Variants in FRMD4B observed in about 807,000 individuals in gnomAD.
FRMD4B encodes the protein FERM domain containing 4B.
FRMD4B carries 74 observed loss-of-function variants against 141.5 expected under a neutral mutation model. The ratio of observed to expected loss-of-function variants is 0.52; its 90% CI spans 0.43 to 0.63. FRMD4B has a LOEUF of 0.63. FRMD4B is among the 30% of genes least tolerant of loss of function. The probability of loss-of-function intolerance (pLI) is 0.00; values close to 1 mark genes in which losing one functional copy is unlikely to be tolerated. For missense variants in FRMD4B, 1,366 were observed against 1,253.4 expected (o/e 1.09, Z -1.36); for synonymous variants, 506 against 467.9 (o/e 1.08, Z -1.05).
At chr3:69,346,581 G>A (rs1243772245) in intron 1 of FRMD4B, among the ~76,000 whole-genome samples, 1 of 152,168 alleles carries the variant, frequency 6.6e-6, no homozygotes, top group East Asian at 1.9e-4. Context: ...CAGCCAGAGA[G>A]AAAGGTTGGG....
chr3:69,216,465 T>C (rs1172092553), intron 10 of FRMD4B, 116 bp from the exon 11 acceptor site: 7 of 591,306 alleles, frequency 1.2e-5, no homozygotes, highest in African/African-American at 1.2e-4. Flanking sequence ...CGGAGTCTCA[T>C]TCTGTCACCA....
chr3:69,336,106 G>GT (rs1028131394), intron 1 of FRMD4B, among the ~76,000 whole-genome samples: 33 of 47,400 alleles, frequency 7.0e-4, no homozygotes, highest in African/African-American at 2.0e-3. Context: ...AACTTCCCTT[G>GT]GGGGGTGAAG....
intron 4 of FRMD4B, among the ~76,000 whole-genome samples, chr3:69,294,685 C>T (rs778092553): frequency 1.9e-4 from 29 of 152,248 alleles, no homozygotes; most frequent in Non-Finnish European, 4.0e-4. Context: ...GAGTCAGGGC[C>T]TTGCTGTGAC....
rs528191586 is a variant in FRMD4B, at chr3:69,345,531, T to C, written c.163-32014A>G. On this transcript the variant is annotated intron_variant, in intron 1 of 22. Coordinates refer to ENST00000398540, the MANE Select transcript of FRMD4B (RefSeq NM_015123.3). Reference sequence around the variant, plus strand: ...GTTTGAGATCTGAGAACGGACAGACTGCCTCCTCAAGTGGGTCCCTGACCC... The same window carrying C: ...GTTTGAGATCTGAGAACGGACAGACCGCCTCCTCAAGTGGGTCCCTGACCC... 7.2e-4 allele frequency among the ~76,000 whole-genome samples: 109 copies of C among 152,328 alleles called. 1 individual carries two copies. Among genetic ancestry groups the C allele is most frequent in the African/African-American group, 2.5e-3 (103 of 41,586 alleles).
chr3:69,494,776 C>T (rs369079215), intron 1 of FRMD4B, among the ~76,000 whole-genome samples: 24 of 152,072 alleles, frequency 1.6e-4, no homozygotes, highest in East Asian at 1.5e-3. Context: ...CCTGTGATCC[C>T]AGCTACTTGG....
chr3:69,349,131 G>C (rs1406374263), intron 1 of FRMD4B, among the ~76,000 whole-genome samples: 2 of 152,116 alleles, frequency 1.3e-5, no homozygotes, highest in African/African-American at 2.4e-5. Context: ...AAAGTCTCAG[G>C]ATACAAAATC....
intron 7 of FRMD4B, among the ~76,000 whole-genome samples, chr3:69,232,461 A>T (rs72929578): frequency 0.066 from 10,119 of 152,198 alleles, 426 homozygotes; most frequent in African/African-American, 0.12. Flanking sequence ...CCCATGACCC[A>T]CTATTTAGCT....
At chr3:69,244,469 TG>T (rs1422981417) in intron 7 of FRMD4B, among the ~76,000 whole-genome samples, 1 of 152,324 alleles carries the variant, frequency 6.6e-6, no homozygotes, top group Non-Finnish European at 1.5e-5. Context: ...GGTCAATGTT[TG>T]TTTGTTTATC....
intron 5 of FRMD4B, among the ~76,000 whole-genome samples, chr3:69,253,181 CTATTTTTTTTT>C (rs1301133240): frequency 8.2e-6 from 1 of 121,966 alleles, no homozygotes; most frequent in East Asian, 2.6e-4. Flanking sequence ...AATATGATTC[CTATTTTTTTTT>C]TTTTTTTTTT....
chr3:69,500,355 T>A (rs1706472541), intron 1 of FRMD4B, among the ~76,000 whole-genome samples: 1 of 152,040 alleles, frequency 6.6e-6, no homozygotes, highest in East Asian at 1.9e-4. Flanking sequence ...GCGCGGAGGA[T>A]CCCTAGGATA....
intron 12 of FRMD4B, chr3:69,198,034 G>A (rs1338309324): frequency 1.3e-5 from 2 of 152,266 alleles, no homozygotes; most frequent in Non-Finnish European, 2.9e-5. Context: ...TGAGGCATGA[G>A]CATCACCTGA....
chr3:69,462,335 T>TGGAAATGTTCCCTCTC (rs1402053794), intron 1 of FRMD4B, among the ~76,000 whole-genome samples: 1 of 152,176 alleles, frequency 6.6e-6, no homozygotes, highest in East Asian at 1.9e-4. Context: ...GGGTCACTCC[T>TGGAAATGTTCCCTCTC]GGAAATGTTC....
upstream of FRMD4B, among the ~76,000 whole-genome samples, chr3:69,388,101 G>A (rs539840055): frequency 4.6e-5 from 7 of 151,054 alleles, no homozygotes; most frequent in Admixed American, 4.6e-4. Context: ...TTTTTTAAAC[G>A]ATGCAGTTCG....
chr3:69,278,636 G>A (rs1422821449), intron 5 of FRMD4B, among the ~76,000 whole-genome samples: 1 of 151,374 alleles, frequency 6.6e-6, no homozygotes, highest in Non-Finnish European at 1.5e-5. Context: ...GCTCAGGCAG[G>A]AGTGCAGCAG....
chr3:69,341,496 G>C (rs1400794325), intron 1 of FRMD4B, among the ~76,000 whole-genome samples: 2 of 152,186 alleles, frequency 1.3e-5, no homozygotes, highest in Non-Finnish European at 2.9e-5. Context: ...TGCAGGAGTG[G>C]AGGTGGCAAG....
At chr3:69,409,068 T>C (rs770867411) in intron 2 of FRMD4B, among the ~76,000 whole-genome samples, 2 of 152,144 alleles carry the variant, frequency 1.3e-5, no homozygotes, top group Admixed American at 1.3e-4. Context: ...GCAGAGTGTC[T>C]AAAAGGCCAG....
At chr3:69,539,643 G>C (rs765649902) in intron 1 of FRMD4B, among the ~76,000 whole-genome samples, 11 of 152,134 alleles carry the variant, frequency 7.2e-5, no homozygotes, top group Non-Finnish European at 1.6e-4. Flanking sequence ...ATTTTTTCAT[G>C]TTCCAGCACC....
intron 1 of FRMD4B, among the ~76,000 whole-genome samples, chr3:69,493,834 G>T (rs973480724): frequency 2.6e-5 from 4 of 152,200 alleles, no homozygotes; most frequent in Non-Finnish European, 4.4e-5. Flanking sequence ...CAAGGAAGGA[G>T]TATGATACGT....
At chr3:69,427,345 C>A (rs1362931308) in intron 2 of FRMD4B, among the ~76,000 whole-genome samples, 4 of 148,546 alleles carry the variant, frequency 2.7e-5, no homozygotes, top group African/African-American at 7.3e-5. Context: ...TTTGGCAACT[C>A]ATTGTGTTTA....
Sources: gnomAD v4.1 joint callset for allele counts (sites outside exome capture counted in the v4.1 genomes callset) on GRCh38, gnomAD v4.1.1 for gene constraint, MANE v1.5 for transcripts, NCBI Gene and HGNC (gene_info 2026-07-23, HGNC 2026-07-21) for gene names.